Variants in NRXN1 observed in about 807,000 individuals in gnomAD.
NRXN1 encodes the protein neurexin-1.
NRXN1 carries 39 observed loss-of-function variants against 150.9 expected under a neutral mutation model. The observed-to-expected ratio is 0.26, with a 90% CI of 0.20 to 0.34. The LOEUF is 0.34. Among genes scored for constraint, NRXN1 ranks in the 10% least tolerant of loss-of-function variants. NRXN1 has a pLI of 1.00. For synonymous variants in NRXN1, 924 were observed against 757.0 expected (o/e 1.22, Z -3.62); for missense variants, 1,815 against 1,949.9 (o/e 0.93, Z 1.30).
chr2:50,865,749 TTGG>T (rs565678821), intron 5 of NRXN1, among the ~76,000 whole-genome samples: 1 of 148,510 alleles, frequency 6.7e-6, no homozygotes, highest in South Asian at 2.2e-4. Context: ...TAGTTTTTTT[TTGG>T]TGGTGGGGGG....
At position 50,495,822 on chromosome 2, in the gene NRXN1, A is replaced by G; in HGVS notation, c.3070+83T>C. On this transcript the variant is annotated intron_variant, in intron 15 of 22. Transcript: ENST00000401669. ...TGGTCAGTCTTTGCAGAAGGTACAA[A>G]CACACCCCTAAGCAAAGGATTTTCC... 6 of 1,241,750 alleles carry G rather than the reference A, an allele frequency of 4.8e-6. No homozygotes were observed. In the South Asian group the frequency reaches 1.1e-4, roughly 22 times the overall value. 76.9% of individuals were successfully genotyped at this position (1,241,750 alleles called of 1,614,324 possible). A position where few individuals can be genotyped will look rare whatever the true frequency, so the allele number is the denominator to read the frequency against.
chr2:50,553,898 A>G (rs980597757), intron 8 of NRXN1, among the ~76,000 whole-genome samples: 1 of 152,178 alleles, frequency 6.6e-6, no homozygotes, highest in Non-Finnish European at 1.5e-5. Flanking sequence ...GGTATCATAC[A>G]TTTGCTATCC....
intron 18 of NRXN1, among the ~76,000 whole-genome samples, chr2:50,158,026 C>T (rs1418244890): frequency 6.8e-6 from 1 of 147,316 alleles, no homozygotes; most frequent in Non-Finnish European, 1.5e-5. Context: ...AATGAAGCTG[C>T]TGGAGAAAGA....
intron 17 of NRXN1, among the ~76,000 whole-genome samples, chr2:50,284,517 G>C (rs1622701): frequency 0.56 from 85,656 of 151,930 alleles, 24,405 homozygotes; most frequent in African/African-American, 0.61. Context: ...CTCCCACAAC[G>C]ACATATAATC....
In NRXN1 at chr2:51,027,523, G is replaced by A. The variant is rs745843843; in HGVS notation, c.751C>T (p.Arg251Cys). 2 of 1,549,418 alleles carry A rather than the reference G, an allele frequency of 1.3e-6. No individual in the cohort carries two copies. Among genetic ancestry groups the A allele is most frequent in the Non-Finnish European group, 8.7e-7 (1 of 1,144,178 alleles). ...AVCDCSRTGFRGKDCSQEDNN... is the reference protein window; with the variant it reads ...AVCDCSRTGFCGKDCSQEDNN... ...TTACCTTGGCTGCAGTCCTTGCCGC[G>A]GAAGCCGGTTCGCGAGCAGTCGCAC... The change falls in exon 2 of 23, where the codon CGC becomes TGC. Residue 251 changes from arginine to cysteine, a missense_variant. Arg to Cys is a radical substitution (Grantham distance 180). Around this residue, in one of 6 missense-constraint regions of NRXN1, gnomAD observed 554 missense variants for 478.8 expected, o/e 1.16. Coordinates refer to ENST00000401669, the MANE Select transcript of NRXN1 (RefSeq NM_001330078.2).
chr2:50,836,610 G>A (rs1046857148), intron 5 of NRXN1, among the ~76,000 whole-genome samples: 1 of 151,842 alleles, frequency 6.6e-6, no homozygotes, highest in Non-Finnish European at 1.5e-5. Flanking sequence ...TTAGCATAGT[G>A]TCCCCCGATT....
At chr2:50,310,338 T>C (rs1432753071) in intron 17 of NRXN1, among the ~76,000 whole-genome samples, 2 of 152,166 alleles carry the variant, frequency 1.3e-5, no homozygotes, top group African/African-American at 2.4e-5. Flanking sequence ...AAAACCAAAG[T>C]TGCAATACTG....
At chr2:50,790,898 C>G (rs1352984062) in intron 5 of NRXN1, among the ~76,000 whole-genome samples, 1 of 151,962 alleles carries the variant, frequency 6.6e-6, no homozygotes, top group Non-Finnish European at 1.5e-5. Flanking sequence ...GTGGGATTTT[C>G]CACTTTTGGC....
intron 17 of NRXN1, among the ~76,000 whole-genome samples, chr2:50,330,689 G>A (rs1333328547): frequency 6.6e-6 from 1 of 152,168 alleles, no homozygotes; most frequent in East Asian, 1.9e-4. Context: ...AGTAGCTTAA[G>A]AAAAAGATAT....
intron 18 of NRXN1, among the ~76,000 whole-genome samples, chr2:50,140,699 T>A (rs562162987): frequency 3.6e-4 from 55 of 152,008 alleles, no homozygotes; most frequent in Middle Eastern, 3.4e-3. Flanking sequence ...GAGATGTTGA[T>A]GTTTATGTGA....
intron 8 of NRXN1, among the ~76,000 whole-genome samples, chr2:50,583,420 C>T (rs958424083): frequency 6.6e-6 from 1 of 152,138 alleles, no homozygotes; most frequent in South Asian, 2.1e-4. Flanking sequence ...TCCCTAAAAT[C>T]CTCCTCTGGG....
chr2:50,894,564 C>T (rs1454531406), intron 5 of NRXN1, among the ~76,000 whole-genome samples: 1 of 151,848 alleles, frequency 6.6e-6, no homozygotes, highest in Non-Finnish European at 1.5e-5. Context: ...ATGGGCAGCA[C>T]TTTATTGTAT....
intron 8 of NRXN1, among the ~76,000 whole-genome samples, chr2:50,572,549 G>A (rs552338850): frequency 6.0e-4 from 92 of 152,240 alleles, no homozygotes; most frequent in Admixed American, 6.0e-3. Flanking sequence ...ATGCATTGCA[G>A]CCATTATCAT....
At chr2:50,879,762 G>C (rs555221923) in intron 5 of NRXN1, among the ~76,000 whole-genome samples, 1 of 152,022 alleles carries the variant, frequency 6.6e-6, no homozygotes, top group South Asian at 2.1e-4. Context: ...TGAAGTGCCT[G>C]AATATGCCTA....
chr2:50,963,875 A>T (rs898143540), intron 2 of NRXN1: 8 of 336,276 alleles, frequency 2.4e-5, no homozygotes, highest in African/African-American at 1.7e-4. Flanking sequence ...AATGTTCTGA[A>T]AATAGCCAAC....
intron 17 of NRXN1, among the ~76,000 whole-genome samples, chr2:50,451,355 C>T (rs546748033): frequency 2.0e-5 from 3 of 152,296 alleles, no homozygotes; most frequent in Non-Finnish European, 2.9e-5. Context: ...ATTTGAAATG[C>T]TCCATTTTCT....
At chr2:50,364,333 A>T (rs1191330360) in intron 17 of NRXN1, among the ~76,000 whole-genome samples, 6 of 152,210 alleles carry the variant, frequency 3.9e-5, no homozygotes. Context: ...CAAAATCAGT[A>T]TCTTTTCATA....
intron 2 of NRXN1, among the ~76,000 whole-genome samples, chr2:50,931,459 A>G (rs960949726): frequency 6.6e-6 from 1 of 152,126 alleles, no homozygotes; most frequent in Non-Finnish European, 1.5e-5. Context: ...ACAGAAAATA[A>G]AATTATTTAT....
At chr2:51,002,297 C>G (rs537753460) in intron 2 of NRXN1, among the ~76,000 whole-genome samples, 1 of 151,900 alleles carries the variant, frequency 6.6e-6, no homozygotes, top group East Asian at 2.0e-4. Flanking sequence ...TTCTCTGACA[C>G]AATACACTAA....
Sources: gnomAD v4.1 joint callset for allele counts (sites outside exome capture counted in the v4.1 genomes callset) on GRCh38, gnomAD v4.1.1 for gene constraint, gnomAD v4.1.1 regional missense constraint, MANE v1.5 for transcripts, NCBI Gene and HGNC (gene_info 2026-07-23, HGNC 2026-07-21) for gene names.